Variants in SLC16A10 observed in about 807,000 individuals in gnomAD.
The protein encoded by SLC16A10 is monocarboxylate transporter 10.
In SLC16A10, 27 loss-of-function variants were observed where a neutral mutation model predicts 40.0. The observed-to-expected ratio is 0.67, with a 90% CI of 0.50 to 0.93. The LOEUF (loss-of-function observed/expected upper bound fraction) is 0.93, where lower values mean the gene tolerates loss of function less well. Ranked by LOEUF, SLC16A10 falls within the 40% of genes least tolerant of loss-of-function variation. The probability of loss-of-function intolerance (pLI) is 0.00; values close to 1 mark genes in which losing one functional copy is unlikely to be tolerated. For synonymous variants in SLC16A10, 213 were observed against 249.8 expected, an observed-to-expected ratio of 0.85 and a Z score of 1.39; for missense variants, 529 against 658.2, an observed-to-expected ratio of 0.80 and a Z score of 2.15.
chr6:111,156,213 CAGA>C (rs1772267156), intron 1 of SLC16A10, among the ~76,000 whole-genome samples: 2 of 152,160 alleles, frequency 1.3e-5, no homozygotes, highest in South Asian at 4.1e-4. Flanking sequence ...ATCCCCCATG[CAGA>C]AGAATTCCAA....
At chr6:111,134,800 G>T (rs1391376471) in intron 1 of SLC16A10, among the ~76,000 whole-genome samples, 1 of 152,224 alleles carries the variant, frequency 6.6e-6, no homozygotes, top group South Asian at 2.1e-4. Context: ...TGAGTCAGAA[G>T]CCACTAACCA....
At chr6:111,103,672 T>C (rs1771230687) in intron 1 of SLC16A10, among the ~76,000 whole-genome samples, 1 of 152,112 alleles carries the variant, frequency 6.6e-6, no homozygotes, top group Non-Finnish European at 1.5e-5. Flanking sequence ...CCTGTGCAAG[T>C]AAGATATAGG....
intron 3 of SLC16A10, among the ~76,000 whole-genome samples, chr6:111,192,176 A>G (rs2114566885): frequency 6.6e-6 from 1 of 152,258 alleles, no homozygotes; most frequent in South Asian, 2.1e-4. Flanking sequence ...AAATTTTCCA[A>G]ACTTTTATGC....
chr6:111,199,133 G>T (rs1326667504), intron 3 of SLC16A10, among the ~76,000 whole-genome samples: 2 of 152,158 alleles, frequency 1.3e-5, no homozygotes, highest in African/African-American at 4.8e-5. Context: ...GGTGTGCCAA[G>T]AATGAAACTC....
intron 3 of SLC16A10, among the ~76,000 whole-genome samples, chr6:111,187,799 A>G (rs530659694): frequency 3.9e-5 from 6 of 152,340 alleles, no homozygotes; most frequent in South Asian, 2.1e-4. Context: ...AGCAATTGCA[A>G]CTGGCTTTGT....
chr6:111,163,682 AAG>A (rs1358516049), intron 1 of SLC16A10, among the ~76,000 whole-genome samples: 1 of 152,236 alleles, frequency 6.6e-6, no homozygotes, highest in Non-Finnish European at 1.5e-5. Flanking sequence ...GGGGTCAGAA[AAG>A]ACAACCTTGA....
intron 1 of SLC16A10, among the ~76,000 whole-genome samples, chr6:111,152,906 G>C (rs1280571551): frequency 6.6e-6 from 1 of 152,182 alleles, no homozygotes; most frequent in Non-Finnish European, 1.5e-5. Flanking sequence ...CATGTGTAAG[G>C]CATGGTGGCA....
chr6:111,124,324 A>G (rs1175148574), intron 1 of SLC16A10, among the ~76,000 whole-genome samples: 2 of 151,652 alleles, frequency 1.3e-5, no homozygotes, highest in African/African-American at 4.8e-5. Flanking sequence ...AAAAACTTAA[A>G]GAACTTTTAT....
Position 111,087,876 on chromosome 6 carries a change from G to T in SLC16A10, c.124G>T (p.Ala42Ser). Residue 42 changes from alanine (A) to serine (S), a missense_variant, in exon 1 of 6, where the codon GCT becomes TCT. Coordinates refer to ENST00000368851, the MANE Select transcript of SLC16A10 (RefSeq NM_018593.5). ...GGGACCCTCGGACAGCCCCGAGGCG[G>T]CTGTCGAGAAGGTGGAGGTGGAGCT... ...GPGPSDSPEA[A>S]VEKVEVELAG... is the part of the protein sequence containing the mutation. 1.3e-6 allele frequency: 2 copies of T among 1,528,818 alleles called. No homozygotes were observed. Among genetic ancestry groups the T allele is most frequent in the Non-Finnish European group, 1.8e-6 (2 of 1,141,768 alleles). 94.7% of individuals were successfully genotyped at this position (1,528,818 alleles called of 1,614,324 possible). A position where few individuals can be genotyped will look rare whatever the true frequency, so the allele number is the denominator to read the frequency against.
intron 1 of SLC16A10, among the ~76,000 whole-genome samples, chr6:111,126,852 G>T (rs556915393): frequency 6.6e-6 from 1 of 152,138 alleles, no homozygotes; most frequent in Admixed American, 6.5e-5. Flanking sequence ...GAGTGATGGT[G>T]CAGCAACTTA....
chr6:111,169,919 C>CTTTTTTTTTTTT (rs60561269), intron 1 of SLC16A10, among the ~76,000 whole-genome samples: 3 of 135,112 alleles, frequency 2.2e-5, no homozygotes, highest in Non-Finnish European at 4.7e-5. Context: ...TCTTTTCTTT[C>CTTTTTTTTTTTT]TTTTTTTTTT....
chr6:111,219,178 T>A, intron 5 of SLC16A10, 136 bp downstream of exon 5: 1 of 766,938 alleles, frequency 1.3e-6, no homozygotes, highest in Non-Finnish European at 2.1e-6. Context: ...TGTGCCTTAC[T>A]GGTAACATTT....
intron 1 of SLC16A10, among the ~76,000 whole-genome samples, chr6:111,115,186 T>G (rs1771463200): frequency 6.6e-6 from 1 of 152,042 alleles, no homozygotes; most frequent in African/African-American, 2.4e-5. Context: ...ATGTATTATC[T>G]TAGTAGTCAT....
chr6:111,118,698 A>G (rs1275912090), intron 1 of SLC16A10, among the ~76,000 whole-genome samples: 1 of 151,766 alleles, frequency 6.6e-6, no homozygotes, highest in Non-Finnish European at 1.5e-5. Context: ...AAAAAAAAAA[A>G]AAGGTGAATT....
chr6:111,189,067 G>A (rs747024160), intron 3 of SLC16A10, among the ~76,000 whole-genome samples: 3 of 152,160 alleles, frequency 2.0e-5, no homozygotes, highest in African/African-American at 4.8e-5. Context: ...AGTATCTATT[G>A]TGTGCCATAG....
At chr6:111,186,904 G>A (rs1266808543) in intron 3 of SLC16A10, among the ~76,000 whole-genome samples, 1 of 152,114 alleles carries the variant, frequency 6.6e-6, no homozygotes. Flanking sequence ...AAAGGGCAAT[G>A]CGCACCAAAT....
intron 1 of SLC16A10, among the ~76,000 whole-genome samples, chr6:111,114,885 T>A (rs1031716379): frequency 1.4e-4 from 22 of 152,098 alleles, no homozygotes; most frequent in African/African-American, 5.3e-4. Context: ...TTTTTATTTA[T>A]TTTTTTTGAG....
intron 3 of SLC16A10, among the ~76,000 whole-genome samples, chr6:111,200,185 C>T (rs1413791253): frequency 1.3e-5 from 2 of 152,138 alleles, no homozygotes; most frequent in Non-Finnish European, 2.9e-5. Flanking sequence ...GGTACCTGTA[C>T]CACAGTTTAG....
intron 1 of SLC16A10, among the ~76,000 whole-genome samples, chr6:111,136,235 TTTTC>T (rs1354712008): frequency 1.3e-5 from 2 of 152,172 alleles, no homozygotes; most frequent in Non-Finnish European, 1.5e-5. Context: ...GGGGCAAGAC[TTTTC>T]TTTCTATGTC....
Sources: allele counts gnomAD v4.1 joint callset (sites outside exome capture counted in the v4.1 genomes callset), GRCh38; gene constraint gnomAD v4.1.1; transcripts MANE v1.5; gene names NCBI Gene and HGNC (gene_info 2026-07-23, HGNC 2026-07-21).